The following NRROS variants were observed in gnomAD, a reference collection of about 807,000 sequenced individuals.
The protein encoded by NRROS is negative regulator of reactive oxygen species.
In NRROS, 6 loss-of-function variants were observed where a neutral mutation model predicts 12.0. The observed-to-expected ratio is 0.50, with a 90% CI of 0.27 to 0.98. The LOEUF is 0.98. Ranked by LOEUF, NRROS falls within the 50% of genes least tolerant of loss-of-function variation. The pLI is 0.11. For synonymous variants in NRROS, 462 were observed against 410.2 expected, an observed-to-expected ratio of 1.13 and a Z score of -1.53; for missense variants, 857 against 888.2, an observed-to-expected ratio of 0.96 and a Z score of 0.45.
At chr3:196,659,674 A>C in intron 2 of NRROS, 78 bp from the exon 3 acceptor site, 1 of 1,436,554 alleles carries the variant, frequency 7.0e-7, no homozygotes, top group Non-Finnish European at 9.4e-7. Flanking sequence ...GGACAGTCTG[A>C]TAAGTGAACT....
intron 1 of NRROS, among the ~76,000 whole-genome samples, chr3:196,652,173 A>G (rs1317917563): frequency 6.6e-6 from 1 of 152,214 alleles, no homozygotes; most frequent in African/African-American, 2.4e-5. Context: ...ACCTTCCTGC[A>G]TATGTTTTAC....
At position 196,641,759 on chromosome 3, in the gene NRROS, G is replaced by A. The variant is rs78815788; in HGVS notation, c.-14+1884G>A. Among the ~76,000 whole-genome samples, 16 of 152,298 alleles carry A rather than the reference G, an allele frequency of 1.1e-4. No individual in the cohort carries two copies. In the East Asian group the frequency reaches 2.9e-3, roughly 28 times the overall value. ...ACTGATGACAACCTGCATTCTGGCT[G>A]CGGTGTGCGTCCACACTGCACAGTG... On this transcript the variant is annotated intron_variant, in intron 1 of 2. Transcript: ENST00000328557.
In NRROS at chr3:196,659,830, AC is replaced by A. The variant is rs762737130; in HGVS notation, c.190del (p.Leu64TrpfsTer81). ...CCTCCCGCCCCACGCCCGGATGCTC[AC>A]CCTGGATGCCAACCCTCTCAAGACC... ...SSLPPHARML[T>X]LDANPLKTLW... On this transcript the variant is annotated frameshift_variant, in exon 3 of 3. Coordinates refer to ENST00000328557, the MANE Select transcript of NRROS (RefSeq NM_198565.3). LOFTEE classifies it low-confidence loss of function (END_TRUNC). The A allele has an allele frequency of 3.7e-6, 6 of 1,613,848 alleles. No homozygotes were observed. The highest frequency in any genetic ancestry group is 5.1e-6 in the Non-Finnish European group (6 of 1,179,894).
At chr3:196,645,710 G>A (rs1162485722) in intron 1 of NRROS, among the ~76,000 whole-genome samples, 5 of 152,100 alleles carry the variant, frequency 3.3e-5, no homozygotes, top group Non-Finnish European at 5.9e-5. Flanking sequence ...TAGTCGGGGT[G>A]GGGGGATATA....
At chr3:196,646,577 G>A (rs983195355) in intron 1 of NRROS, among the ~76,000 whole-genome samples, 5 of 152,244 alleles carry the variant, frequency 3.3e-5, no homozygotes, top group Admixed American at 1.3e-4. Context: ...CGCTGACCAC[G>A]TAGGGAAGCC....
At chr3:196,645,997 G>T (rs1444311569) in intron 1 of NRROS, among the ~76,000 whole-genome samples, 1 of 152,256 alleles carries the variant, frequency 6.6e-6, no homozygotes, top group African/African-American at 2.4e-5. Context: ...TCCCCCTCCA[G>T]TGGGGGCGTG....
intron 1 of NRROS, among the ~76,000 whole-genome samples, chr3:196,642,394 C>A (rs993210644): frequency 2.6e-5 from 4 of 152,114 alleles, no homozygotes; most frequent in African/African-American, 9.7e-5. Context: ...GCCAGGAATC[C>A]ATCTGTCTCC....
In NRROS at chr3:196,655,307, G is replaced by T. The variant is rs2018684; in HGVS notation, c.108+660G>T. 1.4e-3 allele frequency among the ~76,000 whole-genome samples: 211 copies of T among 151,588 alleles called. 1 individual carries two copies. Among genetic ancestry groups the T allele is most frequent in the African/African-American group, 4.8e-3 (199 of 41,272 alleles). ...CCCAGTACTTAGGGAGGCCAAGTCC[G>T]GCGGATCACCTGAGGTCAGGAGTTC... On this transcript the variant is annotated intron_variant, in intron 2 of 2. Coordinates refer to ENST00000328557, the MANE Select transcript of NRROS (RefSeq NM_198565.3).
chr3:196,661,096 A>G lies in NRROS; in HGVS notation c.1453A>G (p.Thr485Ala). 2 of 1,613,466 alleles carry G rather than the reference A, an allele frequency of 1.2e-6. No individual in the cohort carries two copies. The highest frequency in any genetic ancestry group is 1.7e-6 in the Non-Finnish European group (2 of 1,179,864). Residue 485 changes from threonine to alanine, a missense_variant, in exon 3 of 3, where the codon ACC becomes GCC. Coordinates refer to ENST00000328557, the MANE Select transcript of NRROS (RefSeq NM_198565.3). ...ATTGCCAGACTGCCCATTCCAAGGG[A>G]CCTCCCTGACCTACTTAGACCTCTC... ...GALPDCPFQGTSLTYLDLSSN... is the reference protein window; with the variant it reads ...GALPDCPFQGASLTYLDLSSN...
intron 1 of NRROS, among the ~76,000 whole-genome samples, chr3:196,648,714 C>T (rs1309490772): frequency 1.5e-5 from 2 of 131,228 alleles, no homozygotes; most frequent in African/African-American, 6.0e-5. Context: ...TGCAATGAGC[C>T]GAGATTATGC....
At chr3:196,653,346 C>T (rs1248871392) in intron 1 of NRROS, among the ~76,000 whole-genome samples, 1 of 152,226 alleles carries the variant, frequency 6.6e-6, no homozygotes, top group Non-Finnish European at 1.5e-5. Flanking sequence ...GCATTCAAAT[C>T]TGATCAAGAA....
intron 1 of NRROS, among the ~76,000 whole-genome samples, chr3:196,650,012 G>A (rs1019091633): frequency 7.9e-5 from 12 of 152,156 alleles, no homozygotes; most frequent in South Asian, 2.1e-4. Context: ...TAAGGTGTCC[G>A]AGCAGCTCCA....
intron 2 of NRROS, among the ~76,000 whole-genome samples, chr3:196,657,571 G>A (rs1002678383): frequency 6.6e-6 from 1 of 152,004 alleles, no homozygotes; most frequent in Non-Finnish European, 1.5e-5. Flanking sequence ...GCCCGGTGTG[G>A]TGGTGTGAGT....
At chr3:196,653,109 C>A (rs1737462527) in intron 1 of NRROS, among the ~76,000 whole-genome samples, 1 of 152,156 alleles carries the variant, frequency 6.6e-6, no homozygotes, top group South Asian at 2.1e-4. Flanking sequence ...GGAACCCGTA[C>A]ACCTCTGCTT....
intron 2 of NRROS, among the ~76,000 whole-genome samples, chr3:196,658,756 C>G (rs1322685060): frequency 6.6e-6 from 1 of 152,190 alleles, no homozygotes; most frequent in Non-Finnish European, 1.5e-5. Flanking sequence ...CACCTGAAGT[C>G]AGGAGTTCGA....
At chr3:196,651,480 A>G (rs1188353113) in intron 1 of NRROS, among the ~76,000 whole-genome samples, 3 of 152,198 alleles carry the variant, frequency 2.0e-5, no homozygotes, top group Non-Finnish European at 4.4e-5. Flanking sequence ...CAAGAGGAGA[A>G]GGTGGGCCAG....
intron 2 of NRROS, among the ~76,000 whole-genome samples, chr3:196,658,704 G>A (rs1401681115): frequency 1.3e-5 from 2 of 152,184 alleles, no homozygotes; most frequent in Non-Finnish European, 2.9e-5. Flanking sequence ...GGTGGCTCAC[G>A]CCTGTAATCC....
intron 1 of NRROS, among the ~76,000 whole-genome samples, chr3:196,650,038 C>T (rs1165041430): frequency 6.6e-6 from 1 of 152,158 alleles, no homozygotes; most frequent in Non-Finnish European, 1.5e-5. Context: ...GAGAGGCCGT[C>T]ACTCTGGCCG....
intron 1 of NRROS, among the ~76,000 whole-genome samples, chr3:196,652,348 T>C (rs843518): frequency 0.94 from 142,435 of 152,270 alleles, 66,725 homozygotes; most frequent in East Asian, 1. Context: ...TTGTGTTACT[T>C]GCTACCTTTA....
Sources: gnomAD v4.1 joint callset for allele counts (sites outside exome capture counted in the v4.1 genomes callset) on GRCh38, gnomAD v4.1.1 for gene constraint, MANE v1.5 for transcripts, NCBI Gene and HGNC (gene_info 2026-07-23, HGNC 2026-07-21) for gene names.